CHN2: variants seen among roughly 807,000 people sequenced by gnomAD.
CHN2 encodes the protein beta-chimaerin.
Under a neutral mutation model 56.3 loss-of-function variants are expected in CHN2, and 35 were observed. The ratio of observed to expected loss-of-function variants is 0.62; its 90% CI spans 0.47 to 0.82. CHN2 has a LOEUF of 0.82. Among genes scored for constraint, CHN2 ranks in the 40% least tolerant of loss-of-function variants. The pLI is 0.00. For synonymous variants in CHN2, 210 were observed against 212.8 expected (o/e 0.99, Z 0.12); for missense variants, 491 against 580.5 (o/e 0.85, Z 1.58).
rs540938034 is a variant in CHN2 at position 29,339,468 on chromosome 7, T to C, written c.50-15157T>C. The stretch of plus-strand genomic sequence containing the variant: ...AGAGCTTTCGATATTAGCCACCTCA[T>C]TCCTTTTTGTGCCTTCATAGTATTC... On this transcript the variant is annotated intron_variant, in intron 1 of 12. Coordinates refer to ENST00000222792, the MANE Select transcript of CHN2 (RefSeq NM_004067.4). 1.1e-4 allele frequency among the ~76,000 whole-genome samples: 16 copies of C among 152,320 alleles called. No homozygotes were observed. In the South Asian group the frequency reaches 3.3e-3, roughly 32 times the overall value.
chr7:29,146,644 A>G, exon 1 of CHN2: 1 of 1,550,522 alleles, frequency 6.4e-7, no homozygotes, highest in Admixed American at 2.0e-5. Flanking sequence ...GGTCCCAGAA[A>G]CCTGGCCGCA....
chr7:29,398,512 T>C, intron 5 of CHN2, 26 bp downstream of exon 5: 1 of 1,437,414 alleles, frequency 7.0e-7, no homozygotes, highest in Non-Finnish European at 9.8e-7. Flanking sequence ...TTCCTTGTTT[T>C]CATTGCTGTA....
At chr7:29,147,808 G>A (rs729776) in intron 2 of CHN2, among the ~76,000 whole-genome samples, 14,560 of 152,220 alleles carry the variant, frequency 0.096, 1,589 homozygotes, top group African/African-American at 0.24. Context: ...ATATTTAAAA[G>A]TTATAAACAA....
chr7:29,368,467 C>T (rs1799352372), intron 3 of CHN2, among the ~76,000 whole-genome samples: 1 of 151,978 alleles, frequency 6.6e-6, no homozygotes, highest in Admixed American at 6.6e-5. Flanking sequence ...TCTAACTTTC[C>T]TTAGTTCACT....
chr7:29,190,969 CTG>C (rs1366950092), upstream of CHN2, among the ~76,000 whole-genome samples: 1 of 151,928 alleles, frequency 6.6e-6, no homozygotes, highest in Non-Finnish European at 1.5e-5. Context: ...GGGCCTCACT[CTG>C]TCTCCCAGGC....
chr7:29,349,364 T>A (rs946004576), intron 1 of CHN2, among the ~76,000 whole-genome samples: 4 of 152,352 alleles, frequency 2.6e-5, no homozygotes, highest in Admixed American at 2.0e-4. Context: ...ATATTATTAC[T>A]CTCATTGTAT....
intron 1 of CHN2, among the ~76,000 whole-genome samples, chr7:29,259,412 T>G (rs1789366461): frequency 1.3e-5 from 2 of 151,234 alleles, no homozygotes; most frequent in Non-Finnish European, 2.9e-5. Context: ...TGTGGAGAGA[T>G]CTGTAGGATA....
At chr7:29,470,143 G>A (rs78370045) in intron 6 of CHN2, among the ~76,000 whole-genome samples, 5 of 152,170 alleles carry the variant, frequency 3.3e-5, no homozygotes, top group Non-Finnish European at 7.3e-5. Flanking sequence ...AGAGGTGTCT[G>A]CATCAATCAC....
chr7:29,219,679 AC>A (rs1472720077), intron 1 of CHN2, among the ~76,000 whole-genome samples: 18 of 152,238 alleles, frequency 1.2e-4, no homozygotes, highest in Admixed American at 1.2e-3. Flanking sequence ...AAATATATAT[AC>A]CATGCATAAA....
chr7:29,343,104 T>C (rs1268021707), intron 1 of CHN2, among the ~76,000 whole-genome samples: 2 of 152,198 alleles, frequency 1.3e-5, no homozygotes, highest in Non-Finnish European at 2.9e-5. Flanking sequence ...GGCAGGGAGC[T>C]ACTGGAAGGC....
intron 1 of CHN2, among the ~76,000 whole-genome samples, chr7:29,260,427 C>G (rs1194592323): frequency 6.6e-6 from 1 of 152,024 alleles, no homozygotes; most frequent in Non-Finnish European, 1.5e-5. Flanking sequence ...ATTTGCGGAA[C>G]TGGGTAACCT....
intron 10 of CHN2, 125 bp from the exon 11 acceptor site, chr7:29,507,103 C>A: frequency 1.2e-6 from 1 of 830,288 alleles, no homozygotes; most frequent in Non-Finnish European, 1.8e-6. Context: ...TTACTAGAAG[C>A]CAAAAGAGTT....
chr7:29,406,053 C>T (rs1012151066), intron 6 of CHN2, among the ~76,000 whole-genome samples: 3 of 152,196 alleles, frequency 2.0e-5, no homozygotes, highest in South Asian at 2.1e-4. Flanking sequence ...CTGGTGTCCC[C>T]GTGGTGACTC....
intron 1 of CHN2, among the ~76,000 whole-genome samples, chr7:29,211,696 G>C (rs1784972400): frequency 1.3e-5 from 2 of 152,178 alleles, no homozygotes; most frequent in South Asian, 2.1e-4. Flanking sequence ...AGCAGATTCA[G>C]TTAGCCTGCT....
intron 9 of CHN2, 57 bp from the exon 10 acceptor site, chr7:29,504,687 T>C: frequency 1.7e-6 from 2 of 1,180,474 alleles, no homozygotes; most frequent in South Asian, 2.7e-5. Context: ...TTAGTCTTTT[T>C]TTTTTTTTTA....
chr7:29,267,068 C>T (rs1443207085), intron 1 of CHN2, among the ~76,000 whole-genome samples: 21 of 152,070 alleles, frequency 1.4e-4, no homozygotes. Context: ...GCCCCACCCA[C>T]CCCTCTGCTG....
intron 1 of CHN2, among the ~76,000 whole-genome samples, chr7:29,256,790 A>G (rs956346177): frequency 4.6e-5 from 7 of 152,100 alleles, no homozygotes; most frequent in African/African-American, 1.2e-4. Context: ...AGCCAATTCT[A>G]TAGTATTTGA....
chr7:29,480,262 T>G lies in CHN2; in HGVS notation c.577-17T>G. The G allele has an allele frequency of 6.2e-7, 1 of 1,614,166 alleles. No homozygotes were observed. Among genetic ancestry groups the G allele is most frequent in the Non-Finnish European group, 8.5e-7 (1 of 1,180,028 alleles). ...GGCTTTCTTTGGCCCCCTCTCAAAC[T>G]CTTTGCCTGTTCACAGATCTCCTCC... On this transcript the variant is annotated splice_polypyrimidine_tract_variant and intron_variant, in intron 6 of 12. Coordinates refer to ENST00000222792, the MANE Select transcript of CHN2 (RefSeq NM_004067.4).
At chr7:29,220,280 A>AGAGAGAGAGAGAGAG (rs1554366786) in intron 1 of CHN2, among the ~76,000 whole-genome samples, 1 of 138,140 alleles carries the variant, frequency 7.2e-6, no homozygotes, top group East Asian at 2.2e-4. Flanking sequence ...AAAAAAAAAA[A>AGAGAGAGAGAGAGAG]AGAGAGAGAG....
Sources: gnomAD v4.1 joint callset for allele counts (sites outside exome capture counted in the v4.1 genomes callset) on GRCh38, gnomAD v4.1.1 for gene constraint, MANE v1.5 for transcripts, NCBI Gene and HGNC (gene_info 2026-07-23, HGNC 2026-07-21) for gene names.